Variants in CLCC1 observed in about 807,000 individuals in gnomAD.
CLCC1 encodes the protein chloride channel CLIC like 1, also known as chloride channel CLIC-like protein 1.
A neutral mutation model predicts 63.3 loss-of-function variants in CLCC1; 39 were observed. That is an observed-to-expected ratio of 0.62 (90% CI 0.48 to 0.81). The LOEUF is 0.81. Ranked by LOEUF, CLCC1 falls within the 30% of genes least tolerant of loss-of-function variation. The probability of loss-of-function intolerance (pLI) is 0.00; values close to 1 mark genes in which losing one functional copy is unlikely to be tolerated. For synonymous variants in CLCC1, 217 were observed against 239.8 expected (o/e 0.90, Z 0.88); for missense variants, 549 against 669.4 (o/e 0.82, Z 1.98).
Position 108,931,382 on chromosome 1 carries a change from G to C in CLCC1, c.*1165C>G. ...TAACTGTAGCAAAAGACAAGTATGG[G>C]ACAGACTGGGACCTGGAGTAACACT... is the stretch of plus-strand genomic sequence containing the variant. On this transcript the variant is annotated 3_prime_UTR_variant, in exon 13 of 13. Coordinates refer to ENST00000369969, the MANE Select transcript of CLCC1 (RefSeq NM_001377458.1). 1.9e-6 allele frequency: 3 copies of C among 1,551,192 alleles called. No individual in the cohort carries two copies. Among genetic ancestry groups the C allele is most frequent in the Non-Finnish European group, 2.6e-6 (3 of 1,147,136 alleles).
intron 7 of CLCC1, 120 bp downstream of exon 7, chr1:108,943,355 G>A (rs1265383716): frequency 1.1e-6 from 1 of 945,476 alleles, no homozygotes; most frequent in Non-Finnish European, 1.6e-6. Context: ...TCCAGCGTGG[G>A]CCACCTCTAA....
At chr1:108,953,190 C>T (rs1012038486) in intron 2 of CLCC1, among the ~76,000 whole-genome samples, 2 of 152,230 alleles carry the variant, frequency 1.3e-5, no homozygotes, top group Non-Finnish European at 2.9e-5. Context: ...TGCCCATAAA[C>T]AGCTTACGGT....
In CLCC1 at chr1:108,931,096, T is replaced by G. The variant is rs535485694; in HGVS notation, c.*1451A>C. 2.7e-5 allele frequency: 9 copies of G among 331,374 alleles called. No individual in the cohort carries two copies. Among genetic ancestry groups the G allele is most frequent in the Non-Finnish European group, 4.9e-5 (9 of 183,018 alleles). The allele number at this position is 331,374 out of a possible 1,614,324, so 20.5% of individuals were successfully genotyped here. On this transcript the variant is annotated 3_prime_UTR_variant, in exon 13 of 13. Transcript: ENST00000369969. Reference sequence around the variant, plus strand: ...GTGTGTTTTGGGCTGTTTAAAAAAATTATTTAAAATGGTCTCTTCTGTTCC... The same window carrying G: ...GTGTGTTTTGGGCTGTTTAAAAAAAGTATTTAAAATGGTCTCTTCTGTTCC...
intron 11 of CLCC1, among the ~76,000 whole-genome samples, chr1:108,935,814 T>C (rs1652838851): frequency 6.6e-6 from 1 of 152,106 alleles, no homozygotes; most frequent in Admixed American, 6.6e-5. Flanking sequence ...ATGATTGATA[T>C]ATAAATGAAG....
intron 10 of CLCC1, among the ~76,000 whole-genome samples, chr1:108,939,259 T>C (rs1262461085): frequency 1.4e-5 from 2 of 138,186 alleles, no homozygotes; most frequent in Non-Finnish European, 3.0e-5. Context: ...TAGACAGATA[T>C]ATAAATATAA....
intron 7 of CLCC1, among the ~76,000 whole-genome samples, chr1:108,942,615 T>A (rs1421392924): frequency 6.6e-6 from 1 of 152,198 alleles, no homozygotes; most frequent in East Asian, 1.9e-4. Context: ...CTTTCCAATT[T>A]CTATATACAG....
Position 108,963,385 on chromosome 1 carries a change from C to G in CLCC1, c.-197G>C, listed in dbSNP as rs544523143. 2 of 702,416 alleles carry G rather than the reference C, an allele frequency of 2.8e-6. No individual in the cohort carries two copies. Among genetic ancestry groups the G allele is most frequent in the South Asian group, 3.0e-5 (2 of 67,598 alleles). 43.5% of individuals were successfully genotyped at this position (702,416 alleles called of 1,614,324 possible). A position where few individuals can be genotyped will look rare whatever the true frequency, so the allele number is the denominator to read the frequency against. On this transcript the variant is annotated 5_prime_UTR_variant, in exon 1 of 13. Transcript: ENST00000369969. Reference sequence around the variant, plus strand: ...CGTCCGGGATCCCCTGCCTGCCTCTCGAGGAAGACACCTGCCCAGGCCGGC... The same window carrying G: ...CGTCCGGGATCCCCTGCCTGCCTCTGGAGGAAGACACCTGCCCAGGCCGGC...
At position 108,931,080 on chromosome 1, in the gene CLCC1, G is replaced by C. The variant is rs1651870314; in HGVS notation, c.*1467C>G. 3.4e-6 allele frequency: 1 copy of C among 297,798 alleles called. No individual in the cohort carries two copies. The highest frequency in any genetic ancestry group is 2.2e-5 in the African/African-American group (1 of 45,120). The allele number at this position is 297,798 out of a possible 1,614,324, so 18.4% of individuals were successfully genotyped here. A position where few individuals can be genotyped will look rare whatever the true frequency, so the allele number is the denominator to read the frequency against. ...AAAACAAGTATCTTTTGTGTGTTTT[G>C]GGCTGTTTAAAAAAATTATTTAAAA... is the stretch of plus-strand genomic sequence containing the variant. On this transcript the variant is annotated 3_prime_UTR_variant, in exon 13 of 13. Transcript: ENST00000369969.
At chr1:108,937,943 A>T (rs1557891902) in intron 10 of CLCC1, among the ~76,000 whole-genome samples, 1 of 152,200 alleles carries the variant, frequency 6.6e-6, no homozygotes, top group Non-Finnish European at 1.5e-5. Flanking sequence ...CCCGGGGGAT[A>T]CCTGAGACTT....
chr1:108,950,497 TA>T (rs1214577682), intron 2 of CLCC1, 49 bp from the exon 3 acceptor site: 9 of 1,153,684 alleles, frequency 7.8e-6, no homozygotes, highest in Non-Finnish European at 1.0e-5. Context: ...TTTTTTTAAA[TA>T]AATTGGGTTT....
rs750385149 is a variant in CLCC1 at position 108,937,179 on chromosome 1, ATCTC to A, written c.1277_1280del (p.Arg426MetfsTer4). 12 of 1,591,438 alleles carry A rather than the reference ATCTC, an allele frequency of 7.5e-6. No individual in the cohort carries two copies. Among genetic ancestry groups the A allele is most frequent in the African/African-American group, 1.4e-5 (1 of 73,800 alleles). On this transcript the variant is annotated frameshift_variant, in exon 11 of 13. Coordinates refer to ENST00000369969, the MANE Select transcript of CLCC1 (RefSeq NM_001377458.1). LOFTEE classifies it high-confidence loss of function. ...TGCCAGTCTGAAATCTCAAGTCAACATCTCTCTCTCTCAAAATCTCTCTTCTACC... is the reference window on the plus strand; with the variant it reads ...TGCCAGTCTGAAATCTCAAGTCAACATCTCTCTCAAAATCTCTCTTCTACC...
At chr1:108,950,597 G>A (rs1655064633) in intron 2 of CLCC1, 149 bp from the exon 3 acceptor site, 2 of 348,808 alleles carry the variant, frequency 5.7e-6, no homozygotes, top group South Asian at 8.8e-5. Context: ...TCACAGCTCA[G>A]TGCATCCTCC....
intron 8 of CLCC1, among the ~76,000 whole-genome samples, chr1:108,940,620 A>C (rs192035620): frequency 6.6e-6 from 1 of 152,300 alleles, no homozygotes; most frequent in African/African-American, 2.4e-5. Context: ...ACCTCAGTAA[A>C]TTTTTAATTT....
In CLCC1 at chr1:108,951,746, C is replaced by A. The variant is rs1055173228; in HGVS notation, c.-11-1298G>T. Among the ~76,000 whole-genome samples the A allele has an allele frequency of 1.2e-3, 176 of 149,942 alleles. 3 individuals carry two copies. The highest frequency in any genetic ancestry group is 5.3e-4 in the Admixed American group (8 of 14,954). The stretch of plus-strand genomic sequence containing the variant: ...GGTTGCAAATACATGCAAATATACC[C>A]AAAACCGTTGAATTGTATACTTTTT... On this transcript the variant is annotated intron_variant, in intron 2 of 12. Coordinates refer to ENST00000369969, the MANE Select transcript of CLCC1 (RefSeq NM_001377458.1).
At position 108,930,547 on chromosome 1, in the gene CLCC1, TAGG is replaced by T. The variant is rs1363370639; in HGVS notation, c.*1997_*1999del. 1.4e-5 allele frequency: 2 copies of T among 147,916 alleles called. No individual in the cohort carries two copies. Among genetic ancestry groups the T allele is most frequent in the African/African-American group, 2.5e-5 (1 of 39,278 alleles). 9.2% of individuals were successfully genotyped at this position (147,916 alleles called of 1,614,324 possible). On this transcript the variant is annotated 3_prime_UTR_variant, in exon 13 of 13. Transcript: ENST00000369969. ...CTGAGGCAGGAGGATCGCTTGAGGC[TAGG>T]AGTTCAAGACCAACCTGGGCAACAT...
rs1651697326 is a variant in CLCC1, at chr1:108,930,280, ATCT to A, written c.*2264_*2266del. The A allele has an allele frequency of 4.8e-6, 1 of 206,704 alleles. No individual in the cohort carries two copies. Among genetic ancestry groups the A allele is most frequent in the South Asian group, 1.3e-4 (1 of 7,920 alleles). The allele number at this position is 206,704 out of a possible 1,614,324, so 12.8% of individuals were successfully genotyped here. ...ACTCTTATGGAAATAATTTTTTAACATCTTAATTGACAATGGCGTTTTTTTATA... is the reference window on the plus strand; with the variant it reads ...ACTCTTATGGAAATAATTTTTTAACATAATTGACAATGGCGTTTTTTTATA... On this transcript the variant is annotated 3_prime_UTR_variant, in exon 13 of 13. Transcript: ENST00000369969.
At chr1:108,960,908 G>A (rs188112768) in intron 2 of CLCC1, among the ~76,000 whole-genome samples, 25 of 151,926 alleles carry the variant, frequency 1.6e-4, no homozygotes, top group African/African-American at 3.9e-4. Context: ...GGCTAGTCCC[G>A]AACTCCTGAG....
intron 4 of CLCC1, among the ~76,000 whole-genome samples, chr1:108,949,111 T>C (rs1024071819): frequency 6.6e-6 from 1 of 152,198 alleles, no homozygotes; most frequent in Non-Finnish European, 1.5e-5. Flanking sequence ...AAAAGTTTAA[T>C]ATCTGCCTCT....
intron 2 of CLCC1, among the ~76,000 whole-genome samples, chr1:108,952,718 TG>T (rs1403862440): frequency 1.3e-5 from 2 of 151,670 alleles, no homozygotes; most frequent in African/African-American, 4.8e-5. Context: ...GAGAATGGCT[TG>T]AACCCAGGAG....
Sources: allele counts gnomAD v4.1 joint callset (sites outside exome capture counted in the v4.1 genomes callset), GRCh38; gene constraint gnomAD v4.1.1; transcripts MANE v1.5; gene names NCBI Gene and HGNC (gene_info 2026-07-23, HGNC 2026-07-21).